The following PPP2R5C variants were observed in gnomAD, a reference collection of about 807,000 sequenced individuals.
PPP2R5C encodes protein phosphatase 2 regulatory subunit B'gamma.
PPP2R5C carries 7 observed loss-of-function variants against 68.9 expected under a neutral mutation model. That is an observed-to-expected ratio of 0.10 (90% CI 0.06 to 0.19). The LOEUF (loss-of-function observed/expected upper bound fraction) is 0.19, where lower values mean the gene tolerates loss of function less well. Ranked by LOEUF, PPP2R5C falls within the 10% of genes least tolerant of loss-of-function variation. The pLI is 1.00. For synonymous variants in PPP2R5C, 210 were observed against 222.2 expected (o/e 0.95, Z 0.49); for missense variants, 348 against 641.3 (o/e 0.54, Z 4.94).
At chr14:101,836,715 T>G (rs891447979) in intron 1 of PPP2R5C, 1 of 247,206 alleles carries the variant, frequency 4.0e-6, no homozygotes, top group East Asian at 8.5e-5. Flanking sequence ...TGGCTTTAAA[T>G]CCTAAGAAGA....
intron 2 of PPP2R5C, among the ~76,000 whole-genome samples, chr14:101,767,225 C>G (rs1399169982): frequency 6.6e-6 from 1 of 152,156 alleles, no homozygotes; most frequent in African/African-American, 2.4e-5. Flanking sequence ...TGCCACCACT[C>G]CCTGATGGTC....
chr14:101,847,721 G>A (rs1251204698), intron 1 of PPP2R5C, among the ~76,000 whole-genome samples: 1 of 148,754 alleles, frequency 6.7e-6, no homozygotes, highest in African/African-American at 2.5e-5. Flanking sequence ...GGAGTGTGGT[G>A]GCGTGATCTC....
chr14:101,783,735 GC>G (rs1410963777), intron 2 of PPP2R5C, among the ~76,000 whole-genome samples: 1 of 152,198 alleles, frequency 6.6e-6, no homozygotes, highest in African/African-American at 2.4e-5. Context: ...CCACGGGGGA[GC>G]CCTGTCATTG....
rs191792285 is a variant in PPP2R5C at position 101,886,138 on chromosome 14, G to A, written c.629+2576G>A. 5.3e-3 allele frequency among the ~76,000 whole-genome samples: 802 copies of A among 152,234 alleles called. 7 individuals are homozygous for A. The highest frequency in any genetic ancestry group is 0.019 in the African/African-American group (776 of 41,546). On this transcript the variant is annotated intron_variant, in intron 5 of 13. Coordinates refer to ENST00000334743, the Ensembl canonical transcript of PPP2R5C. ...CTACTAAAAATACAAAAAATTAGCC[G>A]GGCGTGGTGGCGGGCACCTGTAGTC...
chr14:101,897,572 G>T (rs1040879839), intron 8 of PPP2R5C, among the ~76,000 whole-genome samples: 8 of 152,108 alleles, frequency 5.3e-5, no homozygotes, highest in African/African-American at 1.9e-4. Flanking sequence ...AGGCTGGGAG[G>T]CTAGGCCAGT....
intron 5 of PPP2R5C, among the ~76,000 whole-genome samples, chr14:101,886,030 C>G (rs61995296): frequency 0.012 from 1,866 of 152,246 alleles, 15 homozygotes; most frequent in Non-Finnish European, 0.021. Flanking sequence ...GCCTGTAATC[C>G]CAGCACTTTG....
chr14:101,890,039 C>A (rs752302332), intron 5 of PPP2R5C, 198 bp from the exon 8 acceptor site: 1 of 683,212 alleles, frequency 1.5e-6, no homozygotes. Flanking sequence ...AGACCAAGTT[C>A]TCTGCCCTCG....
chr14:101,842,841 A>G (rs542262838), intron 1 of PPP2R5C, among the ~76,000 whole-genome samples: 1 of 145,328 alleles, frequency 6.9e-6, no homozygotes, highest in Admixed American at 7.1e-5. Context: ...TCCGTGTCTG[A>G]TCACCGCTAC....
chr14:101,789,353 G>A (rs1328205942), intron 3 of PPP2R5C, among the ~76,000 whole-genome samples: 11 of 152,218 alleles, frequency 7.2e-5, no homozygotes, highest in Admixed American at 2.0e-4. Flanking sequence ...TTGCAAGGCC[G>A]CTGGTGCTCC....
chr14:101,909,387 A>T lies in PPP2R5C; in HGVS notation c.1152-202A>T, dbSNP rs527870123. On this transcript the variant is annotated intron_variant, in intron 10 of 13. Coordinates refer to ENST00000334743, the Ensembl canonical transcript of PPP2R5C. ...AGTGAGTGGAGTGGCCTCTGTGGCT[A>T]TGTGAGAGCCACTGTGAAGAAAGTC... 6.6e-5 allele frequency among the ~76,000 whole-genome samples: 10 copies of T among 152,298 alleles called. No individual in the cohort carries two copies. The South Asian group carries it at 2.1e-3, about 32-fold the overall frequency.
At chr14:101,772,283 T>C (rs1680495125) in intron 2 of PPP2R5C, among the ~76,000 whole-genome samples, 1 of 151,934 alleles carries the variant, frequency 6.6e-6, no homozygotes, top group African/African-American at 2.4e-5. Context: ...AGGGAATGCA[T>C]GGTGAGACGA....
intron 11 of PPP2R5C, among the ~76,000 whole-genome samples, chr14:101,910,397 ATCTATGTG>A (rs1328136768): frequency 3.7e-5 from 5 of 135,610 alleles, no homozygotes; most frequent in African/African-American, 1.8e-4. Flanking sequence ...ATATGTGTGT[ATCTATGTG>A]TGTGTGTGTG....
chr14:101,866,665 G>A (rs117971376), intron 2 of PPP2R5C, among the ~76,000 whole-genome samples: 2,554 of 152,062 alleles, frequency 0.017, 30 homozygotes, highest in Non-Finnish European at 0.029. Flanking sequence ...GCAAGACTCC[G>A]TCTCAAAAAA....
intron 2 of PPP2R5C, among the ~76,000 whole-genome samples, chr14:101,783,393 G>T (rs1006630578): frequency 6.6e-6 from 1 of 150,824 alleles, no homozygotes; most frequent in African/African-American, 2.4e-5. Context: ...CTCCTGAGCT[G>T]ATGTCCCATC....
Position 101,885,307 on chromosome 14 carries a change from C to G in PPP2R5C, c.629+1745C>G, listed in dbSNP as rs112536136. Among the ~76,000 whole-genome samples the G allele has an allele frequency of 6.5e-4, 99 of 152,274 alleles. 1 individual carries two copies. The highest frequency in any genetic ancestry group is 2.1e-3 in the African/African-American group (87 of 41,574). On this transcript the variant is annotated intron_variant, in intron 5 of 13. Coordinates refer to ENST00000334743, the Ensembl canonical transcript of PPP2R5C. ...GACCCCCCCTGCCAAAACCCACAGCCCTGGCCCCTCCCATCCCGTGCCGGC... is the reference window on the plus strand; with the variant it reads ...GACCCCCCCTGCCAAAACCCACAGCGCTGGCCCCTCCCATCCCGTGCCGGC...
At chr14:101,777,938 AT>A (rs997905839) in intron 2 of PPP2R5C, among the ~76,000 whole-genome samples, 4 of 149,920 alleles carry the variant, frequency 2.7e-5, no homozygotes, top group Admixed American at 1.3e-4. Flanking sequence ...ATACCTGGCT[AT>A]TTTTTTTTAA....
At chr14:101,841,919 C>CAA (rs2041498160) in intron 1 of PPP2R5C, among the ~76,000 whole-genome samples, 1 of 152,146 alleles carries the variant, frequency 6.6e-6, no homozygotes, top group Non-Finnish European at 1.5e-5. Flanking sequence ...GAGCTCTCAG[C>CAA]TCCCCATGGA....
intron 2 of PPP2R5C, among the ~76,000 whole-genome samples, chr14:101,863,134 C>A (rs900956112): frequency 7.2e-5 from 11 of 152,078 alleles, no homozygotes; most frequent in Non-Finnish European, 1.2e-4. Flanking sequence ...ATGGTGAAAC[C>A]CTGTCTCTAC....
At chr14:101,788,263 C>A (rs2038210963) in intron 3 of PPP2R5C, among the ~76,000 whole-genome samples, 2 of 152,328 alleles carry the variant, frequency 1.3e-5, no homozygotes, top group African/African-American at 4.8e-5. Flanking sequence ...CCAGTGCATG[C>A]TGGGTGTGTA....
Sources: allele counts gnomAD v4.1 joint callset (sites outside exome capture counted in the v4.1 genomes callset), GRCh38; gene constraint gnomAD v4.1.1; transcripts MANE v1.5; gene names NCBI Gene and HGNC (gene_info 2026-07-23, HGNC 2026-07-21).